The following KCNQ1OT1 variants were observed in gnomAD, a reference collection of about 807,000 sequenced individuals.
The protein encoded by KCNQ1OT1 is KCNQ1 antisense RNA 2 (non-protein coding).
rs1311717248 is a variant in KCNQ1OT1 at position 2,642,488 on chromosome 11, AT to A, written n.57506del. Reference sequence around the variant, plus strand: ...TTATTGATCAGACTGAAGAGTTTTGATTTTTGTATTTCATGGTATGAGTTGT... The same window carrying A: ...TTATTGATCAGACTGAAGAGTTTTGATTTTGTATTTCATGGTATGAGTTGT... On this transcript the variant is annotated non_coding_transcript_exon_variant, in exon 1 of 1. Coordinates refer to ENST00000597346, the Ensembl canonical transcript of KCNQ1OT1. The surrounding 1 kb of genome is among the most constrained non-coding windows in gnomAD (Gnocchi z 4.3). The A allele has an allele frequency of 1.0e-5, 4 of 397,696 alleles. No homozygotes were observed. The highest frequency in any genetic ancestry group is 8.2e-5 in the African/African-American group (4 of 48,556). 24.6% of individuals were successfully genotyped at this position (397,696 alleles called of 1,614,324 possible). A position where few individuals can be genotyped will look rare whatever the true frequency, so the allele number is the denominator to read the frequency against.
In KCNQ1OT1 at chr11:2,645,794, G is replaced by C. The variant is rs537119458; in HGVS notation, n.54201C>G. The C allele has an allele frequency of 7.5e-6, 3 of 398,602 alleles. No homozygotes were observed. The highest frequency in any genetic ancestry group is 1.3e-5 in the Non-Finnish European group (3 of 226,184). 24.7% of individuals were successfully genotyped at this position (398,602 alleles called of 1,614,324 possible). ...GGGCCCACAGCAGATGCAGTCTGGT[G>C]GGGGTTGGGCTATCAAAATGGGACT... On this transcript the variant is annotated non_coding_transcript_exon_variant, in exon 1 of 1. Transcript: ENST00000597346. This position sits in a 1 kb window ranked among gnomAD's most constrained non-coding sequence, Gnocchi z 5.8.
rs1225602337 is a variant in KCNQ1OT1, at chr11:2,627,260, C to T, written n.72735G>A. On this transcript the variant is annotated non_coding_transcript_exon_variant, in exon 1 of 1. Coordinates refer to ENST00000597346, the Ensembl canonical transcript of KCNQ1OT1. The surrounding 1 kb of genome is among the most constrained non-coding windows in gnomAD (Gnocchi z 4.9). ...TATTTGACCTACTGTGAAATGATTACTACAATCAAGCCAATTAACATATAC... is the reference window on the plus strand; with the variant it reads ...TATTTGACCTACTGTGAAATGATTATTACAATCAAGCCAATTAACATATAC... 2 of 398,366 alleles carry T rather than the reference C, an allele frequency of 5.0e-6. No individual in the cohort carries two copies. The highest frequency in any genetic ancestry group is 4.4e-6 in the Non-Finnish European group (1 of 226,046). 24.7% of individuals were successfully genotyped at this position (398,366 alleles called of 1,614,324 possible). A position where few individuals can be genotyped will look rare whatever the true frequency, so the allele number is the denominator to read the frequency against.
chr11:2,665,507 G>A (rs1040863385), exon 1 of KCNQ1OT1: 14 of 394,512 alleles, frequency 3.5e-5, no homozygotes, highest in South Asian at 2.7e-4. Flanking sequence ...TGTGCCTTGC[G>A]TGTGGTAACC....
exon 1 of KCNQ1OT1, chr11:2,660,557 G>A (rs936390154): frequency 5.5e-5 from 22 of 398,588 alleles, no homozygotes; most frequent in East Asian, 2.5e-4. Flanking sequence ...ATAAGCAAAA[G>A]TGAGCAAAGG....
Position 2,624,224 on chromosome 11 carries a change from G to A in KCNQ1OT1, n.75771C>T, listed in dbSNP as rs960168357. The A allele has an allele frequency of 1.8e-5, 7 of 398,432 alleles. No individual in the cohort carries two copies. The highest frequency in any genetic ancestry group is 1.4e-4 in the African/African-American group (7 of 48,606). 24.7% of individuals were successfully genotyped at this position (398,432 alleles called of 1,614,324 possible). A position where few individuals can be genotyped will look rare whatever the true frequency, so the allele number is the denominator to read the frequency against. Reference sequence around the variant, plus strand: ...TTGCCATCTGTATATCTTCATTGGTGAGATGTCTGTTAAGGTCTTCAGTCC... The same window carrying A: ...TTGCCATCTGTATATCTTCATTGGTAAGATGTCTGTTAAGGTCTTCAGTCC... On this transcript the variant is annotated non_coding_transcript_exon_variant, in exon 1 of 1. Coordinates refer to ENST00000597346, the Ensembl canonical transcript of KCNQ1OT1. This position sits in a 1 kb window ranked among gnomAD's most constrained non-coding sequence, Gnocchi z 4.9.
At chr11:2,675,345 A>C in exon 1 of KCNQ1OT1, 1 of 398,638 alleles carries the variant, frequency 2.5e-6, no homozygotes, top group South Asian at 1.3e-4. Context: ...TATTTTTTTA[A>C]TGAGTTTAAA....
exon 1 of KCNQ1OT1, chr11:2,694,650 C>G (rs550230019): frequency 2.5e-6 from 1 of 398,650 alleles, no homozygotes; most frequent in African/African-American, 2.1e-5. Flanking sequence ...ATCTGTGACA[C>G]ACCCACCATG....
In KCNQ1OT1 at chr11:2,608,421, T is replaced by C. The variant is rs151202014; in HGVS notation, n.91574A>G. ...GCACAAAATTGTTCATAGTGTTCCT[T>C]CATAATCCTTTTTATTTCTGTCAGG... On this transcript the variant is annotated non_coding_transcript_exon_variant, in exon 1 of 1. Coordinates refer to ENST00000597346, the Ensembl canonical transcript of KCNQ1OT1. This position sits in a 1 kb window ranked among gnomAD's most constrained non-coding sequence, Gnocchi z 4.6. 794 of 398,616 alleles carry C rather than the reference T, an allele frequency of 2.0e-3. 1 individual carries two copies. Among genetic ancestry groups the C allele is most frequent in the African/African-American group, 0.013 (655 of 48,766 alleles). 24.7% of individuals were successfully genotyped at this position (398,616 alleles called of 1,614,324 possible).
In KCNQ1OT1 at chr11:2,664,302, G is replaced by C. The variant is rs994513526; in HGVS notation, n.35693C>G. 2.5e-6 allele frequency: 1 copy of C among 399,170 alleles called. No individual in the cohort carries two copies. The allele number at this position is 399,170 out of a possible 1,614,324, so 24.7% of individuals were successfully genotyped here. On this transcript the variant is annotated non_coding_transcript_exon_variant, in exon 1 of 1. Coordinates refer to ENST00000597346, the Ensembl canonical transcript of KCNQ1OT1. The surrounding 1 kb of genome is among the most constrained non-coding windows in gnomAD (Gnocchi z 5.1). ...CAAAGGGGCCACCTTGAGGCATTGT[G>C]TTCTGGTCAGGGAAGACTCAGGGCT...
At chr11:2,662,648 T>C (rs1849983922) in exon 1 of KCNQ1OT1, 1 of 408,284 alleles carries the variant, frequency 2.4e-6, no homozygotes, top group African/African-American at 2.0e-5. Flanking sequence ...CACGGTGTGA[T>C]TCCCCTGCGA....
At chr11:2,660,871 T>C (rs893354118) in exon 1 of KCNQ1OT1, 1 of 398,508 alleles carries the variant, frequency 2.5e-6, no homozygotes, top group African/African-American at 2.1e-5. Context: ...AGAATAAAGA[T>C]GAATATGGCA....
exon 1 of KCNQ1OT1, chr11:2,630,235 ACTGT>A (rs1191810643): frequency 5.0e-6 from 2 of 398,086 alleles, no homozygotes; most frequent in African/African-American, 4.1e-5. Flanking sequence ...TGTACACTTA[ACTGT>A]CCTTATGTAC....
Position 2,673,937 on chromosome 11 carries a change from T to C in KCNQ1OT1, n.26058A>G, listed in dbSNP as rs1272336543. On this transcript the variant is annotated non_coding_transcript_exon_variant, in exon 1 of 1. Transcript: ENST00000597346. The surrounding 1 kb of genome is among the most constrained non-coding windows in gnomAD (Gnocchi z 4.5). The stretch of plus-strand genomic sequence containing the variant: ...GTGCTAGACAAGGGAGTGTGTCTCT[T>C]TCCCCATGAGTGACAGCAGCCACAA... 4.9e-6 allele frequency: 1 copy of C among 202,060 alleles called. No homozygotes were observed. Among genetic ancestry groups the C allele is most frequent in the African/African-American group, 2.5e-5 (1 of 39,460 alleles). 12.5% of individuals were successfully genotyped at this position (202,060 alleles called of 1,614,324 possible). A position where few individuals can be genotyped will look rare whatever the true frequency, so the allele number is the denominator to read the frequency against.
chr11:2,661,845 G>A lies in KCNQ1OT1; in HGVS notation n.38150C>T. The A allele has an allele frequency of 2.2e-6, 3 of 1,343,932 alleles. No homozygotes were observed. The highest frequency in any genetic ancestry group is 2.9e-5 in the African/African-American group (2 of 68,774). 83.3% of individuals were successfully genotyped at this position (1,343,932 alleles called of 1,614,324 possible). A position where few individuals can be genotyped will look rare whatever the true frequency, so the allele number is the denominator to read the frequency against. On this transcript the variant is annotated non_coding_transcript_exon_variant, in exon 1 of 1. Coordinates refer to ENST00000597346, the Ensembl canonical transcript of KCNQ1OT1. The surrounding 1 kb of genome is among the most constrained non-coding windows in gnomAD (Gnocchi z 5.9). ...TATAAAACTGATTGTCAGGGCTGGA[G>A]CTTCCAGGCACAAGCTCCACTCCTC...
At chr11:2,689,304 T>C in exon 1 of KCNQ1OT1, 1 of 398,638 alleles carries the variant, frequency 2.5e-6, no homozygotes, top group Non-Finnish European at 4.4e-6. Flanking sequence ...ACCCTAAGAC[T>C]CAATGCCACC....
In KCNQ1OT1 at chr11:2,677,344, C is replaced by T. The variant is rs1294102877; in HGVS notation, n.22651G>A. ...TGTCAAATGATTTCTCAAATAGAGA[C>T]TGGGCAGAGTAGACCAGTTAGTTAA... On this transcript the variant is annotated non_coding_transcript_exon_variant, in exon 1 of 1. Coordinates refer to ENST00000597346, the Ensembl canonical transcript of KCNQ1OT1. This position sits in a 1 kb window ranked among gnomAD's most constrained non-coding sequence, Gnocchi z 4.5. The T allele has an allele frequency of 2.5e-6, 1 of 398,462 alleles. No individual in the cohort carries two copies. The highest frequency in any genetic ancestry group is 4.4e-6 in the Non-Finnish European group (1 of 226,048). 24.7% of individuals were successfully genotyped at this position (398,462 alleles called of 1,614,324 possible).
chr11:2,633,949 A>G, exon 1 of KCNQ1OT1: 1 of 398,632 alleles, frequency 2.5e-6, no homozygotes. Flanking sequence ...AAATCCACGT[A>G]TAAATGAACC....
rs1850592811 is a variant in KCNQ1OT1, at chr11:2,691,791, A to C, written n.8204T>G. ...AGGCCAGTGGCCATCCACTGCCAGC[A>C]ATCAGAGAATCACAAGCACTGGATC... On this transcript the variant is annotated non_coding_transcript_exon_variant, in exon 1 of 1. Coordinates refer to ENST00000597346, the Ensembl canonical transcript of KCNQ1OT1. The surrounding 1 kb of genome is among the most constrained non-coding windows in gnomAD (Gnocchi z 6.4). 1 of 398,566 alleles carries C rather than the reference A, an allele frequency of 2.5e-6. No homozygotes were observed. The highest frequency in any genetic ancestry group is 1.3e-4 in the South Asian group (1 of 7,870). 24.7% of individuals were successfully genotyped at this position (398,566 alleles called of 1,614,324 possible). A position where few individuals can be genotyped will look rare whatever the true frequency, so the allele number is the denominator to read the frequency against.
exon 1 of KCNQ1OT1, chr11:2,633,239 G>GT (rs1210031882): frequency 2.8e-5 from 11 of 398,344 alleles, no homozygotes; most frequent in Non-Finnish European, 4.4e-5. Context: ...ATAATCTGGT[G>GT]TTTTTTGCTG....
Sources: gnomAD v4.1 joint callset for allele counts on GRCh38, gnomAD v4.1.1 for gene constraint, Gnocchi (gnomAD v3.1) non-coding constraint, MANE v1.5 for transcripts, NCBI Gene and HGNC (gene_info 2026-07-23, HGNC 2026-07-21) for gene names.